SUMF1: variants seen among roughly 807,000 people sequenced by gnomAD.
The protein encoded by SUMF1 is sulfatase modifying factor 1.
A neutral mutation model predicts 47.6 loss-of-function variants in SUMF1; 48 were observed. The observed-to-expected ratio is 1.01, with a 90% CI of 0.80 to 1.28. The LOEUF (loss-of-function observed/expected upper bound fraction) is 1.28, where lower values mean the gene tolerates loss of function less well. Among genes scored for constraint, SUMF1 ranks in the 50% most tolerant of loss-of-function variants. The pLI is 0.00. For missense variants in SUMF1, 571 were observed against 485.4 expected, an observed-to-expected ratio of 1.18 and a Z score of -1.66; for synonymous variants, 230 against 192.1, an observed-to-expected ratio of 1.20 and a Z score of -1.63.
chr3:4,210,358 C>T (rs1347412409), intron 8 of SUMF1, among the ~76,000 whole-genome samples: 3 of 152,038 alleles, frequency 2.0e-5, no homozygotes, highest in Non-Finnish European at 4.4e-5. Context: ...AAGAACAAAA[C>T]TTGAGGATTT....
At chr3:4,163,140 T>C (rs1694617154) in intron 8 of SUMF1, among the ~76,000 whole-genome samples, 1 of 151,798 alleles carries the variant, frequency 6.6e-6, no homozygotes. Context: ...AATCACTGTC[T>C]ACTGCTACAC....
intron 7 of SUMF1, among the ~76,000 whole-genome samples, chr3:4,383,797 A>G (rs1700584897): frequency 6.6e-6 from 1 of 152,214 alleles, no homozygotes; most frequent in South Asian, 2.1e-4. Flanking sequence ...TGCTGTGACT[A>G]GAAAAATCTG....
chr3:4,272,188 G>A (rs1247032111), intron 8 of SUMF1, among the ~76,000 whole-genome samples: 3 of 152,164 alleles, frequency 2.0e-5, no homozygotes, highest in Non-Finnish European at 2.9e-5. Context: ...AAAAGATAGC[G>A]ATTTGTTGTT....
intron 8 of SUMF1, chr3:4,316,906 G>T (rs189207238): frequency 5.8e-6 from 9 of 1,549,378 alleles, no homozygotes; most frequent in Non-Finnish European, 7.8e-6. Flanking sequence ...AAACTGCAAC[G>T]CCTGCAGCTG....
intron 8 of SUMF1, among the ~76,000 whole-genome samples, chr3:4,275,179 C>T (rs1055687385): frequency 2.0e-5 from 3 of 152,052 alleles, no homozygotes; most frequent in Non-Finnish European, 4.4e-5. Context: ...AAGACCTGAT[C>T]GTGGTAGAAT....
At chr3:4,286,138 T>TC (rs1357722853) in intron 8 of SUMF1, among the ~76,000 whole-genome samples, 3 of 152,138 alleles carry the variant, frequency 2.0e-5, no homozygotes, top group Non-Finnish European at 4.4e-5. Flanking sequence ...TTTAGTTTTT[T>TC]CTCTGGTTTT....
intron 8 of SUMF1, among the ~76,000 whole-genome samples, chr3:4,301,197 G>A (rs1415266278): frequency 6.6e-6 from 1 of 152,160 alleles, no homozygotes; most frequent in Non-Finnish European, 1.5e-5. Context: ...TGAGCAGACA[G>A]ACAGTCCTGG....
intron 9 of SUMF1, among the ~76,000 whole-genome samples, chr3:4,060,236 T>A (rs1695255480): frequency 6.6e-6 from 1 of 152,182 alleles, no homozygotes; most frequent in Non-Finnish European, 1.5e-5. Context: ...TTACATGACA[T>A]CATATACAAA....
At chr3:4,064,307 T>C (rs1311039007) in intron 9 of SUMF1, among the ~76,000 whole-genome samples, 4 of 112,928 alleles carry the variant, frequency 3.5e-5, no homozygotes, top group African/African-American at 1.0e-4. Flanking sequence ...CTAACTATAA[T>C]GCGTTAGCAT....
intron 8 of SUMF1, among the ~76,000 whole-genome samples, chr3:4,196,665 C>G (rs1695436727): frequency 6.6e-6 from 1 of 152,100 alleles, no homozygotes; most frequent in Non-Finnish European, 1.5e-5. Context: ...CTACCTCTAA[C>G]CCTTTTCCCT....
chr3:4,266,766 A>G (rs1183432085), intron 8 of SUMF1, among the ~76,000 whole-genome samples: 1 of 148,540 alleles, frequency 6.7e-6, no homozygotes, highest in Non-Finnish European at 1.5e-5. Context: ...ACTATGTTGA[A>G]TAGGAGTGGT....
intron 8 of SUMF1, among the ~76,000 whole-genome samples, chr3:4,098,986 C>T (rs2675202): frequency 0.83 from 125,867 of 152,024 alleles, 52,227 homozygotes; most frequent in African/African-American, 0.87. Context: ...AATAGATTTT[C>T]TTACCCACTA....
At chr3:4,233,000 A>C (rs1424094720) in intron 8 of SUMF1, among the ~76,000 whole-genome samples, 1 of 152,102 alleles carries the variant, frequency 6.6e-6, no homozygotes, top group Non-Finnish European at 1.5e-5. Flanking sequence ...AAATTTAAAT[A>C]TGTGCAGCTG....
chr3:4,165,012 T>C (rs1694666017), intron 8 of SUMF1, among the ~76,000 whole-genome samples: 1 of 152,104 alleles, frequency 6.6e-6, no homozygotes, highest in Non-Finnish European at 1.5e-5. Flanking sequence ...TCAGCAGATG[T>C]TTATGAATCC....
intron 7 of SUMF1, among the ~76,000 whole-genome samples, chr3:4,404,374 T>C (rs890756216): frequency 2.0e-5 from 3 of 152,214 alleles, no homozygotes; most frequent in Non-Finnish European, 4.4e-5. Context: ...GTGAACTTCA[T>C]TATCACTTTC....
chr3:4,392,633 ATATATATC>A (rs1176698852), intron 7 of SUMF1, among the ~76,000 whole-genome samples: 8 of 145,472 alleles, frequency 5.5e-5, no homozygotes, highest in Admixed American at 2.1e-4. Flanking sequence ...ATATATATAT[ATATATATC>A]TACCTATATA....
chr3:4,424,510 G>A (rs928396909), intron 3 of SUMF1, among the ~76,000 whole-genome samples: 1 of 152,132 alleles, frequency 6.6e-6, no homozygotes, highest in African/African-American at 2.4e-5. Context: ...CCGCAACCTA[G>A]TGTTTTGGTC....
intron 7 of SUMF1, among the ~76,000 whole-genome samples, chr3:4,399,262 C>A (rs932782745): frequency 2.0e-5 from 3 of 152,106 alleles, no homozygotes; most frequent in African/African-American, 7.2e-5. Context: ...CTATATTATA[C>A]AGGGATGCAG....
At chr3:4,061,923 T>C (rs984820705) in intron 9 of SUMF1, among the ~76,000 whole-genome samples, 2 of 152,046 alleles carry the variant, frequency 1.3e-5, no homozygotes, top group African/African-American at 4.8e-5. Flanking sequence ...CAACGGGTAA[T>C]GATGATGCTA....
Sources: gnomAD v4.1 joint callset for allele counts (sites outside exome capture counted in the v4.1 genomes callset) on GRCh38, gnomAD v4.1.1 for gene constraint, MANE v1.5 for transcripts, NCBI Gene and HGNC (gene_info 2026-07-23, HGNC 2026-07-21) for gene names.